The following PPTC7 variants were observed in gnomAD, a reference collection of about 807,000 sequenced individuals.
The protein encoded by PPTC7 is protein phosphatase PTC7 homolog.
A neutral mutation model predicts 30.8 loss-of-function variants in PPTC7; 6 were observed. The ratio of observed to expected loss-of-function variants is 0.19; its 90% CI spans 0.11 to 0.38. The LOEUF is 0.38. PPTC7 is among the 10% of genes least tolerant of loss of function. The probability of loss-of-function intolerance (pLI) is 1.00; values close to 1 mark genes in which losing one functional copy is unlikely to be tolerated. For missense variants in PPTC7, 218 were observed against 404.8 expected (o/e 0.54, Z 3.96); for synonymous variants, 163 against 168.1 (o/e 0.97, Z 0.23).
intron 1 of PPTC7, among the ~76,000 whole-genome samples, chr12:110,554,149 G>A (rs115850909): frequency 7.2e-4 from 109 of 152,216 alleles, no homozygotes; most frequent in African/African-American, 2.5e-3. Context: ...CACTGCATCC[G>A]GCCAAATTTC....
intron 1 of PPTC7, among the ~76,000 whole-genome samples, chr12:110,558,034 C>G (rs2135778773): frequency 6.6e-6 from 1 of 152,318 alleles, no homozygotes; most frequent in East Asian, 1.9e-4. Flanking sequence ...CAAAACACAT[C>G]AGTGGGTAAT....
At chr12:110,578,813 A>C (rs2064610639) in intron 1 of PPTC7, among the ~76,000 whole-genome samples, 2 of 152,204 alleles carry the variant, frequency 1.3e-5, no homozygotes, top group South Asian at 4.1e-4. Flanking sequence ...TTGTAACTCC[A>C]ACCTCTAGAG....
chr12:110,539,766 A>T, intron 4 of PPTC7, 56 bp downstream of exon 4: 1 of 1,555,874 alleles, frequency 6.4e-7, no homozygotes, highest in Non-Finnish European at 8.7e-7. Context: ...AATCCATAAA[A>T]CTCAGCTATC....
chr12:110,565,120 C>T (rs1202880883), intron 1 of PPTC7, among the ~76,000 whole-genome samples: 1 of 151,874 alleles, frequency 6.6e-6, no homozygotes, highest in East Asian at 1.9e-4. Context: ...AGGTGATCCA[C>T]CCGCCTCAGC....
chr12:110,582,839 C>T lies in PPTC7; in HGVS notation c.193G>A (p.Val65Met). ...GACYGDDACF[V>M]ARHRSADVLG... The stretch of plus-strand genomic sequence containing the variant: ...ACGTCCGCGGAACGGTGCCGGGCCA[C>T]GAAGCACGCGTCGTCCCCGTAGCAC... The change falls in exon 1 of 6, where the codon GTG becomes ATG. Residue 65 changes from valine (V) to methionine (M), a missense_variant. Transcript: ENST00000354300. 1 of 1,563,206 alleles carries T rather than the reference C, an allele frequency of 6.4e-7. No individual in the cohort carries two copies. The highest frequency in any genetic ancestry group is 8.7e-7 in the Non-Finnish European group (1 of 1,153,944).
intron 1 of PPTC7, among the ~76,000 whole-genome samples, chr12:110,569,370 G>C (rs950466897): frequency 6.6e-6 from 1 of 152,030 alleles, no homozygotes; most frequent in South Asian, 2.1e-4. Context: ...AATAAAAAAA[G>C]AGAAAGAGAG....
At chr12:110,562,286 CAAAAAAAAAAAAAAA>C (rs11319526) in intron 1 of PPTC7, among the ~76,000 whole-genome samples, 4 of 34,726 alleles carry the variant, frequency 1.2e-4, no homozygotes, top group South Asian at 2.0e-3. Flanking sequence ...GACTCCATCT[CAAAAAAAAAAAAAAA>C]AAAAAAAAAA....
chr12:110,560,363 T>C (rs975182210), intron 1 of PPTC7, among the ~76,000 whole-genome samples: 11 of 151,926 alleles, frequency 7.2e-5, no homozygotes, highest in African/African-American at 1.9e-4. Flanking sequence ...ATCACACTAC[T>C]TGCACTTCAG....
At chr12:110,547,661 C>T (rs2064319039) in intron 2 of PPTC7, among the ~76,000 whole-genome samples, 1 of 151,974 alleles carries the variant, frequency 6.6e-6, no homozygotes, top group African/African-American at 2.4e-5. Context: ...AAGCAATAGG[C>T]AAAGTCTAAA....
chr12:110,546,026 G>C lies in PPTC7; in HGVS notation c.456C>G (p.His152Gln). The C allele has an allele frequency of 6.2e-7, 1 of 1,614,180 alleles. No homozygotes were observed. Residue 152 changes from histidine to glutamine, a missense_variant, in exon 3 of 6, where the codon CAC becomes CAG. His to Gln is a conservative substitution (Grantham distance 24, BLOSUM62 0). Transcript: ENST00000354300. ...VVLDRTSHRL[H>Q]TANLGDSGFL... The stretch of plus-strand genomic sequence containing the variant: ...AGCCTGAATCGCCCAGGTTTGCTGT[G>C]TGTAAGCGGTGGCTGGTTCTGTCCA...
intron 1 of PPTC7, among the ~76,000 whole-genome samples, chr12:110,582,464 G>C (rs1006404978): frequency 1.3e-5 from 2 of 152,192 alleles, no homozygotes; most frequent in Non-Finnish European, 2.9e-5. Flanking sequence ...GGAGCCTGCA[G>C]GTGTCGCCCA....
intron 1 of PPTC7, among the ~76,000 whole-genome samples, chr12:110,577,090 C>T (rs567035870): frequency 6.7e-6 from 1 of 149,970 alleles, no homozygotes; most frequent in Non-Finnish European, 1.5e-5. Flanking sequence ...CTGTTTGAAC[C>T]CAGGAGGCAG....
Position 110,563,153 on chromosome 12 carries a change from A to G in PPTC7, c.224-11185T>C, listed in dbSNP as rs567586613. ...AAAAAAAAAAAAAAAAAAAAAGAAG[A>G]AGAAGAAAAAAGAAGTTTCCATTCC... On this transcript the variant is annotated intron_variant, in intron 1 of 5. Transcript: ENST00000354300. Among the ~76,000 whole-genome samples, 14 of 150,392 alleles carry G rather than the reference A, an allele frequency of 9.3e-5. No individual in the cohort carries two copies. The East Asian group carries it at 2.7e-3, about 29-fold the overall frequency.
At chr12:110,541,393 A>C (rs2064258091) in intron 3 of PPTC7, among the ~76,000 whole-genome samples, 1 of 151,156 alleles carries the variant, frequency 6.6e-6, no homozygotes. Context: ...CATCTCAAAG[A>C]AAAAGAAAAA....
At chr12:110,556,132 G>A (rs918197642) in intron 1 of PPTC7, among the ~76,000 whole-genome samples, 1 of 152,210 alleles carries the variant, frequency 6.6e-6, no homozygotes, top group African/African-American at 2.4e-5. Context: ...TCAGCAGGTT[G>A]AGTCTGACCT....
At chr12:110,538,779 G>A (rs927705679) in intron 4 of PPTC7, among the ~76,000 whole-genome samples, 1 of 152,120 alleles carries the variant, frequency 6.6e-6, no homozygotes, top group Non-Finnish European at 1.5e-5. Flanking sequence ...ATGGGAACAC[G>A]AGGTCCACTT....
Position 110,563,398 on chromosome 12 carries a change from C to A in PPTC7, c.224-11430G>T, listed in dbSNP as rs182442636. Among the ~76,000 whole-genome samples the A allele has an allele frequency of 3.5e-3, 532 of 152,262 alleles. 2 individuals carry two copies. The highest frequency in any genetic ancestry group is 0.012 in the African/African-American group (499 of 41,544). On this transcript the variant is annotated intron_variant, in intron 1 of 5. Coordinates refer to ENST00000354300, the MANE Select transcript of PPTC7 (RefSeq NM_139283.2). Reference sequence around the variant, plus strand: ...TTGGGAGGCCAAGGCAGGTGGATCACCTGAGGTCAGGAGTTCAAGACCAGC... The same window carrying A: ...TTGGGAGGCCAAGGCAGGTGGATCAACTGAGGTCAGGAGTTCAAGACCAGC...
At chr12:110,579,937 C>G (rs966648834) in intron 1 of PPTC7, among the ~76,000 whole-genome samples, 1 of 151,764 alleles carries the variant, frequency 6.6e-6, no homozygotes, top group Non-Finnish European at 1.5e-5. Context: ...CACTTAAACC[C>G]GGGAGGCGGA....
At chr12:110,543,109 C>G (rs1011827979) in intron 3 of PPTC7, among the ~76,000 whole-genome samples, 1 of 152,170 alleles carries the variant, frequency 6.6e-6, no homozygotes, top group Non-Finnish European at 1.5e-5. Flanking sequence ...CTAAGCTCCA[C>G]GGAAAAACCC....
Sources: gnomAD v4.1 joint callset for allele counts (sites outside exome capture counted in the v4.1 genomes callset) on GRCh38, gnomAD v4.1.1 for gene constraint, MANE v1.5 for transcripts, NCBI Gene and HGNC (gene_info 2026-07-23, HGNC 2026-07-21) for gene names.